Variants in COL6A6 observed in about 807,000 individuals in gnomAD.
The protein encoded by COL6A6 is collagen alpha-6(VI) chain.
COL6A6 carries 183 observed loss-of-function variants against 208.6 expected under a neutral mutation model. The observed-to-expected ratio is 0.88, with a 90% CI of 0.78 to 0.99. The LOEUF is 0.99. Among genes scored for constraint, COL6A6 ranks in the 50% least tolerant of loss-of-function variants. The pLI, the probability that COL6A6 is intolerant of heterozygous loss-of-function variation, is 0.00. For synonymous variants in COL6A6, 973 were observed against 1,011.8 expected (o/e 0.96, Z 0.73); for missense variants, 2,816 against 2,815.2 (o/e 1.00, Z -0.01).
intron 1 of COL6A6, among the ~76,000 whole-genome samples, chr3:130,541,528 C>T (rs564760905): frequency 1.5e-4 from 23 of 152,296 alleles, no homozygotes; most frequent in African/African-American, 4.8e-4. Context: ...AAACTGCCAA[C>T]CTGTTTTCCA....
chr3:130,642,897 T>C, intron 30 of COL6A6, 30 bp downstream of exon 30: 1 of 1,613,416 alleles, frequency 6.2e-7, no homozygotes, highest in Non-Finnish European at 8.5e-7. Context: ...AACAGAGTGC[T>C]CTGAGTGCTC....
At chr3:130,525,578 C>T (rs1238263394) in intron 1 of COL6A6, among the ~76,000 whole-genome samples, 1 of 152,100 alleles carries the variant, frequency 6.6e-6, no homozygotes, top group Non-Finnish European at 1.5e-5. Context: ...TTGGTTCTTC[C>T]TCTATGCTCT....
chr3:130,637,464 A>T (rs1451719367), intron 28 of COL6A6, among the ~76,000 whole-genome samples: 3 of 151,386 alleles, frequency 2.0e-5, no homozygotes, highest in East Asian at 2.0e-4. Context: ...ATGTTTGAAA[A>T]TTTTTTTTTC....
chr3:130,643,528 A>G lies in COL6A6; in HGVS notation c.5227+505A>G, dbSNP rs574720809. Among the ~76,000 whole-genome samples the G allele has an allele frequency of 5.3e-5, 8 of 152,298 alleles. No homozygotes were observed. In the South Asian group the frequency reaches 1.0e-3, roughly 20 times the overall value. On this transcript the variant is annotated intron_variant, in intron 31 of 36. Coordinates refer to ENST00000358511, the MANE Select transcript of COL6A6 (RefSeq NM_001102608.3). ...TGATTTGCTTTAAAAATTCATAGTA[A>G]TACTCATTCTGCCAATATTTTTTCT...
At chr3:130,560,745 T>C (rs2062864345) in intron 2 of COL6A6, among the ~76,000 whole-genome samples, 1 of 152,238 alleles carries the variant, frequency 6.6e-6, no homozygotes, top group Non-Finnish European at 1.5e-5. Flanking sequence ...ACTTGGAATG[T>C]CCCATCCTAA....
rs985827500 is a variant in COL6A6 at position 130,658,736 on chromosome 3, G to A, written c.5794G>A (p.Ala1932Thr). 1.7e-5 allele frequency: 28 copies of A among 1,613,014 alleles called. No homozygotes were observed. In the African/African-American group the frequency reaches 3.3e-4, roughly 19 times the overall value. Reference sequence around the variant, plus strand: ...TCCCTCCGGGGCCGACTACATACCAGCATTAGAGAGACTCCAGCGGTGCAC... The same window carrying A: ...TCCCTCCGGGGCCGACTACATACCAACATTAGAGAGACTCCAGCGGTGCAC... ...VVPSGADYIP[A>T]LERLQRCTFC... is the part of the protein sequence containing the mutation. Residue 1932 changes from alanine (A) to threonine (T), a missense_variant, in exon 34 of 37, where the codon GCA (alanine) becomes ACA (threonine). Transcript: ENST00000358511.
At chr3:130,588,071 T>G (rs2063581916) in intron 11 of COL6A6, among the ~76,000 whole-genome samples, 1 of 152,216 alleles carries the variant, frequency 6.6e-6, no homozygotes, top group Non-Finnish European at 1.5e-5. Flanking sequence ...AAATTGATGT[T>G]ATCTGATATA....
rs1255312536 is a variant in COL6A6, at chr3:130,649,076, G to A, written c.5247G>A (p.Pro1749=). The A allele has an allele frequency of 3.8e-6, 6 of 1,559,000 alleles. No homozygotes were observed. The highest frequency in any genetic ancestry group is 3.5e-6 in the Non-Finnish European group (4 of 1,150,778). The change falls in exon 33 of 37, where the codon CCG becomes CCA. Residue 1749 remains proline, a synonymous_variant. Coordinates refer to ENST00000358511, the MANE Select transcript of COL6A6 (RefSeq NM_001102608.3). ...AGGGATATGGTCTTTTAGGAAAACC[G>A]GAATGCCCAGTGCACCCAACCGAGT... ...RDRSPGRHGK[P]ECPVHPTELV...
At chr3:130,668,120 A>C (rs1243195949) in intron 36 of COL6A6, among the ~76,000 whole-genome samples, 1 of 151,970 alleles carries the variant, frequency 6.6e-6, no homozygotes, top group Non-Finnish European at 1.5e-5. Flanking sequence ...AATCACAAAA[A>C]AAACAGATTA....
chr3:130,639,563 T>C (rs564768982), intron 28 of COL6A6, among the ~76,000 whole-genome samples: 1 of 152,174 alleles, frequency 6.6e-6, no homozygotes, highest in South Asian at 2.1e-4. Flanking sequence ...CGTGGTGGCA[T>C]GTACCTGTAG....
intron 8 of COL6A6, among the ~76,000 whole-genome samples, chr3:130,574,746 G>T (rs528633500): frequency 1.3e-5 from 2 of 152,180 alleles, no homozygotes; most frequent in Non-Finnish European, 2.9e-5. Flanking sequence ...GTCTCCTGGG[G>T]GAGCATGCCT....
chr3:130,659,619 A>C (rs900165041), intron 34 of COL6A6, among the ~76,000 whole-genome samples: 4 of 152,248 alleles, frequency 2.6e-5, no homozygotes, highest in Non-Finnish European at 5.9e-5. Flanking sequence ...GAAGAGAAAA[A>C]TAAAGCTTAG....
intron 18 of COL6A6, among the ~76,000 whole-genome samples, chr3:130,597,431 T>C (rs1232518463): frequency 6.6e-6 from 1 of 152,224 alleles, no homozygotes; most frequent in African/African-American, 2.4e-5. Context: ...TTAAAAAGCT[T>C]ACTAAGTATC....
chr3:130,575,174 A>G lies in COL6A6; in HGVS notation c.3547+649A>G, dbSNP rs115671028. ...AAAAAAAAAAGTTGCAAGGTCATTA[A>G]GAGGCAGCTCTGAAGACAGACAGCC... On this transcript the variant is annotated intron_variant, in intron 8 of 36. Coordinates refer to ENST00000358511, the MANE Select transcript of COL6A6 (RefSeq NM_001102608.3). Among the ~76,000 whole-genome samples the G allele has an allele frequency of 6.4e-3, 981 of 152,322 alleles. 9 individuals carry two copies. Among genetic ancestry groups the G allele is most frequent in the African/African-American group, 0.022 (930 of 41,574 alleles).
Position 130,568,395 on chromosome 3 carries a change from A to G in COL6A6, c.2192A>G (p.Asp731Gly), listed in dbSNP as rs2063082704. ...AGAAAGTTTCTCATCCTCATCACGG[A>G]TGGTGAAGCTCAGGACATAGTAAAG... ...NIRKFLILIT[D>G]GEAQDIVKEP... is the part of the protein sequence containing the mutation. The change falls in exon 6 of 37, where the codon GAT becomes GGT. Residue 731 changes from aspartate to glycine, a missense_variant. Transcript: ENST00000358511. The G allele has an allele frequency of 2.5e-6, 4 of 1,613,992 alleles. No homozygotes were observed. Among genetic ancestry groups the G allele is most frequent in the Non-Finnish European group, 3.4e-6 (4 of 1,179,888 alleles).
At chr3:130,527,764 C>T (rs941931655) in intron 1 of COL6A6, among the ~76,000 whole-genome samples, 3 of 152,004 alleles carry the variant, frequency 2.0e-5, no homozygotes, top group African/African-American at 7.3e-5. Flanking sequence ...CTCCAGAATA[C>T]AAAAAGAGGA....
intron 8 of COL6A6, among the ~76,000 whole-genome samples, chr3:130,577,154 C>A (rs2063316759): frequency 6.6e-6 from 1 of 152,174 alleles, no homozygotes; most frequent in East Asian, 1.9e-4. Context: ...AATGTACTAT[C>A]TCACTCAATT....
chr3:130,568,211 A>C lies in COL6A6; in HGVS notation c.2008A>C (p.Asn670His). ...TGGTGTAGTCCAGTTCAGCGACATC[A>C]ATAAGGAAGAGTTTCAGCTCAACAG... is the stretch of plus-strand genomic sequence containing the variant. Reference protein sequence around the residue: ...QIGVVQFSDINKEEFQLNRFM... With the variant: ...QIGVVQFSDIHKEEFQLNRFM... Residue 670 changes from asparagine to histidine, a missense_variant, in exon 6 of 37, where the codon AAT becomes CAT. By Grantham distance (68) the Asn-to-His change is moderately conservative. Transcript: ENST00000358511. 1 of 1,614,012 alleles carries C rather than the reference A, an allele frequency of 6.2e-7. No homozygotes were observed. Among genetic ancestry groups the C allele is most frequent in the Non-Finnish European group, 8.5e-7 (1 of 1,179,884 alleles).
intron 2 of COL6A6, 38 bp from the exon 3 acceptor site, chr3:130,563,030 A>G (rs1309217745): frequency 2.0e-6 from 3 of 1,470,308 alleles, no homozygotes; most frequent in Non-Finnish European, 2.8e-6. Context: ...TAAATTTTTT[A>G]AAGTTTTTGG....
Sources: gnomAD v4.1 joint callset for allele counts (sites outside exome capture counted in the v4.1 genomes callset) on GRCh38, gnomAD v4.1.1 for gene constraint, MANE v1.5 for transcripts, NCBI Gene and HGNC (gene_info 2026-07-23, HGNC 2026-07-21) for gene names.